C5AR2: variants seen among roughly 807,000 people sequenced by gnomAD.
C5AR2 encodes the protein C5a anaphylatoxin chemotactic receptor 2.
For missense variants in C5AR2, 458 were observed against 467.5 expected, an observed-to-expected ratio of 0.98 and a Z score of 0.19; for synonymous variants, 224 against 216.5, an observed-to-expected ratio of 1.03 and a Z score of -0.30.
At position 47,341,538 on chromosome 19, in the gene C5AR2, G is replaced by C; in HGVS notation, c.739G>C (p.Ala247Pro). 6.2e-7 allele frequency: 1 copy of C among 1,612,642 alleles called. No individual in the cohort carries two copies. Among genetic ancestry groups the C allele is most frequent in the South Asian group, 1.1e-5 (1 of 91,054 alleles). ...AIVVGFFVCW[A>P]PYHLLGLVLT... ...TGTGGTGGGGTTTTTTGTCTGCTGG[G>C]CACCCTACCACCTGCTGGGGCTGGT... The change falls in exon 2 of 2, where the codon GCA becomes CCA. Residue 247 changes from alanine (A) to proline (P), a missense_variant. Physicochemically the swap from Ala to Pro is conservative, Grantham distance 27. Coordinates refer to ENST00000595464, the MANE Select transcript of C5AR2 (RefSeq NM_001271749.2). The surrounding 1 kb of genome is among the most constrained non-coding windows in gnomAD (Gnocchi z 4.6).
chr19:47,341,256 G>T lies in C5AR2; in HGVS notation c.457G>T (p.Val153Leu). The T allele has an allele frequency of 1.9e-6, 3 of 1,603,714 alleles. No individual in the cohort carries two copies. Among genetic ancestry groups the T allele is most frequent in the Non-Finnish European group, 8.5e-7 (1 of 1,179,860 alleles). Residue 153 changes from valine (V) to leucine (L), a missense_variant, in exon 2 of 2, where the codon GTG (valine) becomes TTG (leucine). Coordinates refer to ENST00000595464, the MANE Select transcript of C5AR2 (RefSeq NM_001271749.2). This position sits in a 1 kb window ranked among gnomAD's most constrained non-coding sequence, Gnocchi z 4.6. The part of the protein sequence containing the change: ...STVQRACGVQ[V>L]ACGAAWTLAL... ...GGTTCAGCGGGCGTGCGGGGTGCAG[G>T]TGGCCTGTGGGGCAGCCTGGACACT...
rs1175490548 is a variant in C5AR2, at chr19:47,335,783, AAAAAAAAAAAAAAAAAAAAG to A, written c.-16+3438_-16+3457del. On this transcript the variant is annotated intron_variant, in intron 1 of 1. Transcript: ENST00000595464. ...TGATACTCCGTCTCAAAAAAAAAAA[AAAAAAAAAAAAAAAAAAAAG>A]AAAGTTTTCGTTTTCTGGATTGTAA... Among the ~76,000 whole-genome samples, 61 of 133,410 alleles carry A rather than the reference AAAAAAAAAAAAAAAAAAAAG, an allele frequency of 4.6e-4. 1 individual carries two copies. The highest frequency in any genetic ancestry group is 1.6e-3 in the African/African-American group (53 of 33,586). 87.5% of individuals were successfully genotyped at this position (133,410 alleles called of 152,430 possible). A position where few individuals can be genotyped will look rare whatever the true frequency, so the allele number is the denominator to read the frequency against.
chr19:47,340,007 G>A (rs1217288453), intron 1 of C5AR2, among the ~76,000 whole-genome samples: 1 of 151,416 alleles, frequency 6.6e-6, no homozygotes, highest in Non-Finnish European at 1.5e-5. Context: ...CTGTCATCCT[G>A]GCTGGAGTGC....
At chr19:47,338,398 G>C (rs1180611873) in intron 1 of C5AR2, among the ~76,000 whole-genome samples, 1 of 149,596 alleles carries the variant, frequency 6.7e-6, no homozygotes, top group East Asian at 1.9e-4. Context: ...AGTGAGCCAA[G>C]ATAGTGCCAT....
Position 47,341,797 on chromosome 19 carries a change from C to G in C5AR2, c.998C>G (p.Ser333Trp). ...AAATCCACCAGCCATGACCTGGTCT[C>G]GGAGATGGAGGTGTAGGCTGGAGAG... The part of the protein sequence containing the change: ...SKKSTSHDLV[S>W]EMEV Residue 333 changes from serine to tryptophan, a missense_variant, in exon 2 of 2, where the codon TCG (serine) becomes TGG (tryptophan). Coordinates refer to ENST00000595464, the MANE Select transcript of C5AR2 (RefSeq NM_001271749.2). This position sits in a 1 kb window ranked among gnomAD's most constrained non-coding sequence, Gnocchi z 4.6. The G allele has an allele frequency of 6.2e-7, 1 of 1,613,486 alleles. No homozygotes were observed. Among genetic ancestry groups the G allele is most frequent in the Non-Finnish European group, 8.5e-7 (1 of 1,179,892 alleles).
At chr19:47,340,349 T>C (rs1184140102) in intron 1 of C5AR2, among the ~76,000 whole-genome samples, 2 of 150,264 alleles carry the variant, frequency 1.3e-5, no homozygotes, top group African/African-American at 4.9e-5. Flanking sequence ...AATTCCAATT[T>C]TTTTTTTTTT....
Position 47,345,003 on chromosome 19 carries a change from C to T in C5AR2, c.*3190C>T, listed in dbSNP as rs1969098983. ...GGCCAGGCTGGTCTCGAACTCCTGACCTCAGGTGATCCACCCACCTTGGCC... is the reference window on the plus strand; with the variant it reads ...GGCCAGGCTGGTCTCGAACTCCTGATCTCAGGTGATCCACCCACCTTGGCC... On this transcript the variant is annotated 3_prime_UTR_variant, in exon 2 of 2. Transcript: ENST00000595464. 1 of 152,136 alleles carries T rather than the reference C, an allele frequency of 6.6e-6. No individual in the cohort carries two copies. The highest frequency in any genetic ancestry group is 1.5e-5 in the Non-Finnish European group (1 of 68,062). The allele number at this position is 152,136 out of a possible 1,614,324, so 9.4% of individuals were successfully genotyped here.
rs942109645 is a variant in C5AR2 at position 47,346,539 on chromosome 19, A to G, written c.*4726A>G. On this transcript the variant is annotated 3_prime_UTR_variant, in exon 2 of 2. Coordinates refer to ENST00000595464, the MANE Select transcript of C5AR2 (RefSeq NM_001271749.2). ...GCTAACATAGTGAAACCCTGTCTCT[A>G]CTAAAAATACAAAAAATTAGCCAGG... The G allele has an allele frequency of 1.3e-5, 2 of 152,068 alleles. No homozygotes were observed. The highest frequency in any genetic ancestry group is 4.8e-5 in the African/African-American group (2 of 41,412). 9.4% of individuals were successfully genotyped at this position (152,068 alleles called of 1,614,324 possible). A position where few individuals can be genotyped will look rare whatever the true frequency, so the allele number is the denominator to read the frequency against.
chr19:47,333,850 G>A (rs988639330), intron 1 of C5AR2, among the ~76,000 whole-genome samples: 1 of 152,136 alleles, frequency 6.6e-6, no homozygotes, highest in African/African-American at 2.4e-5. Context: ...AAGTGCCGGG[G>A]ATTACAGGTG....
chr19:47,332,804 T>A (rs2059344575), intron 1 of C5AR2, among the ~76,000 whole-genome samples: 1 of 152,080 alleles, frequency 6.6e-6, no homozygotes, highest in South Asian at 2.1e-4. Flanking sequence ...TCTGTCCGCC[T>A]TGGCCTCCCA....
At position 47,343,111 on chromosome 19, in the gene C5AR2, AG is replaced by A. The variant is rs1969069678; in HGVS notation, c.*1301del. 6.6e-6 allele frequency: 1 copy of A among 152,128 alleles called. No homozygotes were observed. The highest frequency in any genetic ancestry group is 2.4e-5 in the African/African-American group (1 of 41,420). 9.4% of individuals were successfully genotyped at this position (152,128 alleles called of 1,614,324 possible). A position where few individuals can be genotyped will look rare whatever the true frequency, so the allele number is the denominator to read the frequency against. On this transcript the variant is annotated 3_prime_UTR_variant, in exon 2 of 2. Coordinates refer to ENST00000595464, the MANE Select transcript of C5AR2 (RefSeq NM_001271749.2). ...TCTGGGTGGGCTCAATGGAGTCACG[AG>A]GGTCCTTTTAAGAGGGAGGCAGGAG... is the stretch of plus-strand genomic sequence containing the variant.
At chr19:47,336,970 C>CA (rs932624862) in intron 1 of C5AR2, 1 of 151,132 alleles carries the variant, frequency 6.6e-6, no homozygotes, top group Non-Finnish European at 1.5e-5. Flanking sequence ...GTTGCCTCAA[C>CA]ACCAGCTGGA....
At chr19:47,333,972 G>A (rs577546515) in intron 1 of C5AR2, among the ~76,000 whole-genome samples, 1 of 152,124 alleles carries the variant, frequency 6.6e-6, no homozygotes, top group Admixed American at 6.6e-5. Context: ...GCACATGTGA[G>A]GGTGCTTGCA....
rs143950605 is a variant in C5AR2 at position 47,342,029 on chromosome 19, ATTC to A, written c.*221_*223del. On this transcript the variant is annotated 3_prime_UTR_variant, in exon 2 of 2. Transcript: ENST00000595464. Reference sequence around the variant, plus strand: ...CAAATCCTGCCCTCAGGGAGCTGATATTCTTCTAGTGGAGGAAGACAGACTATA... The same window carrying A: ...CAAATCCTGCCCTCAGGGAGCTGATATTCTAGTGGAGGAAGACAGACTATA... 0.02 allele frequency: 11,565 copies of A among 573,172 alleles called. 221 individuals carry two copies. Among genetic ancestry groups the A allele is most frequent in the Middle Eastern group, 0.074 (153 of 2,070 alleles). The allele number at this position is 573,172 out of a possible 1,614,324, so 35.5% of individuals were successfully genotyped here.
At position 47,343,921 on chromosome 19, in the gene C5AR2, C is replaced by T. The variant is rs543504323; in HGVS notation, c.*2108C>T. 6.6e-6 allele frequency: 1 copy of T among 152,268 alleles called. No individual in the cohort carries two copies. Among genetic ancestry groups the T allele is most frequent in the South Asian group, 2.1e-4 (1 of 4,826 alleles). The allele number at this position is 152,268 out of a possible 1,614,324, so 9.4% of individuals were successfully genotyped here. On this transcript the variant is annotated 3_prime_UTR_variant, in exon 2 of 2. Coordinates refer to ENST00000595464, the MANE Select transcript of C5AR2 (RefSeq NM_001271749.2). ...TGGCCATAGTTCAAGTGCTCAGTAG[C>T]CACATATGGCTGGTGACTGCCATAT... is the stretch of plus-strand genomic sequence containing the variant.
intron 1 of C5AR2, among the ~76,000 whole-genome samples, chr19:47,333,007 T>C (rs988345656): frequency 6.6e-6 from 1 of 151,938 alleles, no homozygotes; most frequent in Non-Finnish European, 1.5e-5. Flanking sequence ...TCTTTCCTTT[T>C]CTCTCTTTCT....
Position 47,345,115 on chromosome 19 carries a change from C to CAT in C5AR2, c.*3304_*3305dup, listed in dbSNP as rs1158296370. The CAT allele has an allele frequency of 1.3e-5, 2 of 152,608 alleles. No individual in the cohort carries two copies. The highest frequency in any genetic ancestry group is 2.9e-5 in the Non-Finnish European group (2 of 68,438). 9.5% of individuals were successfully genotyped at this position (152,608 alleles called of 1,614,324 possible). A position where few individuals can be genotyped will look rare whatever the true frequency, so the allele number is the denominator to read the frequency against. ...TACCTAACCTCCTGGGAATGCAGCC[C>CAT]ATAGGTCTCAGCCTTATTTCACCCA... is the stretch of plus-strand genomic sequence containing the variant. On this transcript the variant is annotated 3_prime_UTR_variant, in exon 2 of 2. Coordinates refer to ENST00000595464, the MANE Select transcript of C5AR2 (RefSeq NM_001271749.2).
rs1028271640 is a variant in C5AR2, at chr19:47,341,475, T to C, written c.676T>C (p.Trp226Arg). ...CAGCTGCCACAGTGCCCTCCTGTGCTGGGCAGCCCGACGCTGCCGGCCGCT... is the reference window on the plus strand; with the variant it reads ...CAGCTGCCACAGTGCCCTCCTGTGCCGGGCAGCCCGACGCTGCCGGCCGCT... ...VASCHSALLC[W>R]AARRCRPLGT... The change falls in exon 2 of 2, where the codon TGG becomes CGG. Residue 226 changes from tryptophan to arginine, a missense_variant. Trp to Arg is a moderately radical substitution (Grantham distance 101). Coordinates refer to ENST00000595464, the MANE Select transcript of C5AR2 (RefSeq NM_001271749.2). The surrounding 1 kb of genome is among the most constrained non-coding windows in gnomAD (Gnocchi z 4.6). 1 of 1,611,770 alleles carries C rather than the reference T, an allele frequency of 6.2e-7. No homozygotes were observed. The highest frequency in any genetic ancestry group is 8.5e-7 in the Non-Finnish European group (1 of 1,179,830).
chr19:47,339,230 G>A (rs1355344572), intron 1 of C5AR2, among the ~76,000 whole-genome samples: 1 of 152,096 alleles, frequency 6.6e-6, no homozygotes, highest in Non-Finnish European at 1.5e-5. Flanking sequence ...TGTCTCATTT[G>A]GAATAAATGA....
Sources: allele counts gnomAD v4.1 joint callset (sites outside exome capture counted in the v4.1 genomes callset), GRCh38; gene constraint gnomAD v4.1.1; non-coding constraint Gnocchi (gnomAD v3.1); transcripts MANE v1.5; gene names NCBI Gene and HGNC (gene_info 2026-07-23, HGNC 2026-07-21).